CACNA1A: variants seen among roughly 807,000 people sequenced by gnomAD.
CACNA1A encodes voltage-dependent P/Q-type calcium channel subunit alpha-1A.
A neutral mutation model predicts 262.4 loss-of-function variants in CACNA1A; 57 were observed. The ratio of observed to expected loss-of-function variants is 0.22; its 90% CI spans 0.18 to 0.27. CACNA1A has a LOEUF of 0.27. Ranked by LOEUF, CACNA1A falls within the 10% of genes least tolerant of loss-of-function variation. The probability of loss-of-function intolerance (pLI) is 1.00; values close to 1 mark genes in which losing one functional copy is unlikely to be tolerated. For synonymous variants in CACNA1A, 1,431 were observed against 1,419.3 expected, an observed-to-expected ratio of 1.01 and a Z score of -0.18; for missense variants, 2,526 against 3,562.8, an observed-to-expected ratio of 0.71 and a Z score of 7.41.
rs957994459 is a variant in CACNA1A at position 13,209,156 on chromosome 19, G to C, written c.6527-147C>G. ...GTCAGTGGGTTGGGGGGAGGGGGTA[G>C]TACCCAGGTTCCTGCAGCTGCTGCC... On this transcript the variant is annotated intron_variant, in intron 45 of 46. Coordinates refer to ENST00000360228, the MANE Select transcript of CACNA1A (RefSeq NM_001127222.2). 3.0e-6 allele frequency: 4 copies of C among 1,342,628 alleles called. No homozygotes were observed. In the Admixed American group the frequency reaches 6.7e-5, roughly 22 times the overall value. The allele number at this position is 1,342,628 out of a possible 1,614,324, so 83.2% of individuals were successfully genotyped here.
intron 29 of CACNA1A, 51 bp from the exon 30 acceptor site, chr19:13,253,152 T>C (rs1014024765): frequency 1.7e-6 from 2 of 1,193,614 alleles, no homozygotes; most frequent in Non-Finnish European, 2.5e-6. Context: ...GGGTGGGAAG[T>C]GGGAAGTGGG....
At chr19:13,393,800 T>TCCCC in intron 3 of CACNA1A, among the ~76,000 whole-genome samples, 1 of 75,624 alleles carries the variant, frequency 1.3e-5, no homozygotes, top group Non-Finnish European at 2.5e-5. Context: ...CTTCCTTCCC[T>TCCCC]CCCTCCTTCC....
At chr19:13,301,211 C>T (rs753067243) in intron 17 of CACNA1A, among the ~76,000 whole-genome samples, 3 of 152,008 alleles carry the variant, frequency 2.0e-5, no homozygotes, top group Non-Finnish European at 4.4e-5. Flanking sequence ...CCATTTCGGC[C>T]TCCCAAAGTG....
chr19:13,249,919 C>T (rs144852964), intron 30 of CACNA1A, among the ~76,000 whole-genome samples: 169 of 152,254 alleles, frequency 1.1e-3, no homozygotes, highest in African/African-American at 3.9e-3. Context: ...CTGTAGGTCA[C>T]TCTCTTCAAA....
At chr19:13,468,343 C>A (rs113710545) in intron 1 of CACNA1A, among the ~76,000 whole-genome samples, 1 of 152,030 alleles carries the variant, frequency 6.6e-6, no homozygotes, top group Non-Finnish European at 1.5e-5. Context: ...TCTCCTGATT[C>A]AATTTTCAAC....
At chr19:13,347,604 T>C (rs1046868055) in intron 6 of CACNA1A, among the ~76,000 whole-genome samples, 2 of 152,230 alleles carry the variant, frequency 1.3e-5, no homozygotes, top group South Asian at 4.1e-4. Context: ...CAGGAGCAGA[T>C]TGAGTCGTTG....
chr19:13,431,585 A>G (rs2060504602), intron 3 of CACNA1A, among the ~76,000 whole-genome samples: 3 of 152,146 alleles, frequency 2.0e-5, no homozygotes, highest in Admixed American at 2.0e-4. Context: ...TGTTCATGAC[A>G]GCACTCTTCA....
chr19:13,253,355 T>C (rs1053792985), intron 29 of CACNA1A, among the ~76,000 whole-genome samples: 1 of 151,130 alleles, frequency 6.6e-6, no homozygotes, highest in African/African-American at 2.4e-5. Flanking sequence ...CTTCCTATTT[T>C]GCCCAGGCTG....
chr19:13,497,298 A>G (rs1257172780), intron 1 of CACNA1A, among the ~76,000 whole-genome samples: 6 of 150,876 alleles, frequency 4.0e-5, no homozygotes, highest in Non-Finnish European at 7.4e-5. Context: ...CCTCGAATTC[A>G]TTCATTCAAA....
intron 36 of CACNA1A, chr19:13,228,606 A>ATG: frequency 1.7e-5 from 1 of 57,408 alleles, no homozygotes; most frequent in South Asian, 4.8e-4. Context: ...AGAGAGAGAG[A>ATG]TATATATATA....
chr19:13,441,667 G>GGA (rs1555787635), intron 3 of CACNA1A, among the ~76,000 whole-genome samples: 42 of 113,886 alleles, frequency 3.7e-4, no homozygotes, highest in African/African-American at 1.3e-3. Context: ...CTGTCTCGAG[G>GGA]AAAAAAAAAA....
chr19:13,359,717 G>C lies in CACNA1A; in HGVS notation c.867C>G (p.Pro289=), dbSNP rs777059446. ...RTCPNGTKCQ[P]YWEGPNNGIT... is the part of the protein sequence containing the mutation. ...TCCCGTTGTTGGGCCCTTCCCAGTAGGGCTGACATTTGGTCCCATTGGGGC... is the reference window on the plus strand; with the variant it reads ...TCCCGTTGTTGGGCCCTTCCCAGTACGGCTGACATTTGGTCCCATTGGGGC... Residue 289 remains proline, a synonymous_variant, in exon 6 of 47, where the codon CCC becomes CCG. Transcript: ENST00000360228. 6.3e-6 allele frequency: 10 copies of C among 1,588,348 alleles called. No individual in the cohort carries two copies. Among genetic ancestry groups the C allele is most frequent in the Non-Finnish European group, 8.6e-6 (10 of 1,167,126 alleles).
At chr19:13,360,263 GTGTATA>G (rs1568569750) in intron 5 of CACNA1A, among the ~76,000 whole-genome samples, 1 of 66,266 alleles carries the variant, frequency 1.5e-5, no homozygotes, top group Non-Finnish European at 2.5e-5. Context: ...GTGTGTGTGT[GTGTATA>G]TATATATATA....
chr19:13,371,229 C>A (rs562416559), intron 4 of CACNA1A: 1 of 157,588 alleles, frequency 6.3e-6, no homozygotes, highest in African/African-American at 2.4e-5. Flanking sequence ...ACGCAGCAGG[C>A]ACTCATTAAA....
At chr19:13,290,785 TC>T (rs2057518789) in intron 19 of CACNA1A, among the ~76,000 whole-genome samples, 1 of 152,012 alleles carries the variant, frequency 6.6e-6, no homozygotes, top group African/African-American at 2.4e-5. Flanking sequence ...GAGAGTGATA[TC>T]CCTGCCATAA....
At chr19:13,224,997 T>G (rs2055382938) in intron 37 of CACNA1A, 1 of 443,942 alleles carries the variant, frequency 2.3e-6, no homozygotes, top group African/African-American at 2.0e-5. Context: ...GCCCTCTCCT[T>G]TTTTCCCCCA....
intron 3 of CACNA1A, among the ~76,000 whole-genome samples, chr19:13,374,678 T>A (rs1285908529): frequency 6.6e-6 from 1 of 152,254 alleles, no homozygotes; most frequent in Non-Finnish European, 1.5e-5. Context: ...TCTTCTGTGC[T>A]GGCACATAAA....
chr19:13,312,831 AGG>A (rs1461020334), intron 11 of CACNA1A, 50 bp from the exon 12 acceptor site: 1 of 918,590 alleles, frequency 1.1e-6, no homozygotes, highest in Non-Finnish European at 1.7e-6. Context: ...TGCTGAGGGT[AGG>A]GGTTCCAGGT....
chr19:13,264,030 C>A (rs2056804885), intron 24 of CACNA1A, among the ~76,000 whole-genome samples: 1 of 152,170 alleles, frequency 6.6e-6, no homozygotes, highest in African/African-American at 2.4e-5. Context: ...GTCTCTGCTG[C>A]ATTGCTCCAA....
Sources: gnomAD v4.1 joint callset for allele counts (sites outside exome capture counted in the v4.1 genomes callset) on GRCh38, gnomAD v4.1.1 for gene constraint, MANE v1.5 for transcripts, NCBI Gene and HGNC (gene_info 2026-07-23, HGNC 2026-07-21) for gene names.